RGS9: variants seen among roughly 807,000 people sequenced by gnomAD.
RGS9 encodes the protein regulator of G protein signaling 9.
RGS9 carries 78 observed loss-of-function variants against 102.0 expected under a neutral mutation model. The observed-to-expected ratio is 0.76, with a 90% CI of 0.64 to 0.92. The LOEUF is 0.92. RGS9 is among the 40% of genes least tolerant of loss of function. The probability of loss-of-function intolerance (pLI) is 0.00; values close to 1 mark genes in which losing one functional copy is unlikely to be tolerated. For synonymous variants in RGS9, 353 were observed against 318.6 expected (o/e 1.11, Z -1.15); for missense variants, 833 against 866.1 (o/e 0.96, Z 0.48).
chr17:65,161,245 C>T (rs1431766452), intron 6 of RGS9, among the ~76,000 whole-genome samples: 1 of 152,074 alleles, frequency 6.6e-6, no homozygotes, highest in African/African-American at 2.4e-5. Context: ...CAGATTTGAA[C>T]TTGAATTGTT....
At chr17:65,210,892 A>G (rs1453813428) in intron 17 of RGS9, among the ~76,000 whole-genome samples, 4 of 152,012 alleles carry the variant, frequency 2.6e-5, no homozygotes, top group Admixed American at 6.5e-5. Flanking sequence ...GGGAGAGGGG[A>G]TCACCTGACT....
At chr17:65,143,937 A>G (rs1308165520) in intron 1 of RGS9, among the ~76,000 whole-genome samples, 3 of 90,934 alleles carry the variant, frequency 3.3e-5, no homozygotes, top group Non-Finnish European at 4.7e-5. Context: ...CTCCAGCCTG[A>G]AAAAAAAAAA....
chr17:65,219,574 C>T (rs61708414), intron 17 of RGS9, among the ~76,000 whole-genome samples: 23,536 of 152,162 alleles, frequency 0.15, 2,733 homozygotes, highest in African/African-American at 0.33. Flanking sequence ...CCATGGGGTG[C>T]ATAGCTTGTG....
At chr17:65,168,170 T>C (rs1336927777) in intron 7 of RGS9, 30 bp from the exon 8 acceptor site, 47 of 1,518,760 alleles carry the variant, frequency 3.1e-5, no homozygotes, top group Non-Finnish European at 4.0e-5. Context: ...AAAGTCTTCC[T>C]GGCCTTACAC....
At chr17:65,217,281 A>G (rs748867370) in intron 17 of RGS9, among the ~76,000 whole-genome samples, 8 of 152,228 alleles carry the variant, frequency 5.3e-5, no homozygotes, top group Non-Finnish European at 8.8e-5. Context: ...CTCCACCTCC[A>G]TCTCATCCCC....
intron 13 of RGS9, among the ~76,000 whole-genome samples, chr17:65,200,860 G>T (rs79834668): frequency 3.9e-5 from 6 of 152,158 alleles, no homozygotes; most frequent in Non-Finnish European, 7.4e-5. Context: ...GTTATGAAAA[G>T]GTATCATGAA....
intron 9 of RGS9, among the ~76,000 whole-genome samples, chr17:65,188,297 A>G (rs983576382): frequency 6.6e-6 from 1 of 152,176 alleles, no homozygotes; most frequent in African/African-American, 2.4e-5. Flanking sequence ...CCTTAACTCA[A>G]AAAGTTGAGA....
chr17:65,153,575 G>T (rs1251410531), intron 2 of RGS9, 57 bp downstream of exon 2: 3 of 1,339,688 alleles, frequency 2.2e-6, no homozygotes, highest in Non-Finnish European at 3.2e-6. Context: ...GCCCAATACG[G>T]CCCACCTCCT....
rs577053621 is a variant in RGS9 at position 65,180,456 on chromosome 17, C to G, written c.654+2653C>G. On this transcript the variant is annotated intron_variant, in intron 9 of 18. Transcript: ENST00000262406. ...CTCCGCCTTCCGGGTTGAAGTAACT[C>G]CTTGCCTCAGCCTCCAGAGTAGCCG... Among the ~76,000 whole-genome samples the G allele has an allele frequency of 2.0e-5, 3 of 152,154 alleles. No individual in the cohort carries two copies. In the East Asian group the frequency reaches 5.8e-4, roughly 29 times the overall value.
intron 14 of RGS9, 151 bp from the exon 15 acceptor site, chr17:65,204,012 A>G (rs1388735651): frequency 3.7e-6 from 3 of 802,432 alleles, no homozygotes; most frequent in Non-Finnish European, 6.1e-6. Context: ...AACCTCTTCA[A>G]AAGTTCATGC....
At chr17:65,164,602 T>G (rs1262424244) in intron 7 of RGS9, among the ~76,000 whole-genome samples, 1 of 152,186 alleles carries the variant, frequency 6.6e-6, no homozygotes, top group African/African-American at 2.4e-5. Flanking sequence ...GGAGTAGTGA[T>G]GAACACTGTT....
chr17:65,201,463 A>G (rs892765746), intron 13 of RGS9, among the ~76,000 whole-genome samples: 8 of 152,190 alleles, frequency 5.3e-5, no homozygotes, highest in African/African-American at 1.9e-4. Flanking sequence ...ACAGCCAAAC[A>G]AAGGAGGAAG....
At chr17:65,179,893 G>A (rs1203866232) in intron 9 of RGS9, 2 of 152,206 alleles carry the variant, frequency 1.3e-5, no homozygotes, top group African/African-American at 4.8e-5. Context: ...TGGGCAGGCT[G>A]GGTGTACGAC....
rs1342163428 is a variant in RGS9, at chr17:65,173,863, G to A, written c.583-3869G>A. Among the ~76,000 whole-genome samples the A allele has an allele frequency of 6.6e-6, 1 of 150,752 alleles. No individual in the cohort carries two copies. The highest frequency in any genetic ancestry group is 1.5e-5 in the Non-Finnish European group (1 of 68,044). ...AAATGGATGAATGAAAGGAGCTTGGGAGTCTCTGAAACCAGCAGAGGCAGA... is the reference window on the plus strand; with the variant it reads ...AAATGGATGAATGAAAGGAGCTTGGAAGTCTCTGAAACCAGCAGAGGCAGA... On this transcript the variant is annotated intron_variant, in intron 8 of 18. Coordinates refer to ENST00000262406, the MANE Select transcript of RGS9 (RefSeq NM_003835.4). The surrounding 1 kb of genome is among the most constrained non-coding windows in gnomAD (Gnocchi z 4.8).
chr17:65,184,396 T>C (rs1260543213), intron 9 of RGS9, among the ~76,000 whole-genome samples: 1 of 152,248 alleles, frequency 6.6e-6, no homozygotes. Context: ...TTTTATCTGA[T>C]GAGGGCTTAA....
chr17:65,181,072 A>G (rs955884934), intron 9 of RGS9, among the ~76,000 whole-genome samples: 5 of 152,194 alleles, frequency 3.3e-5, no homozygotes, highest in African/African-American at 7.2e-5. Flanking sequence ...GGTTGATCCC[A>G]TGTCTTTGCT....
chr17:65,152,610 G>A (rs1598562563), intron 1 of RGS9, among the ~76,000 whole-genome samples: 3 of 152,254 alleles, frequency 2.0e-5, no homozygotes, highest in South Asian at 4.1e-4. Context: ...GCTCACTGTA[G>A]CCTGGAACTC....
Position 65,177,887 on chromosome 17 carries a change from T to G in RGS9, c.654+84T>G, listed in dbSNP as rs916760057. ...TGTCCACATGTCTATTCGTGTCTGT[T>G]AGGGCAACGATATCTCCTCTTTGAG... On this transcript the variant is annotated intron_variant, in intron 9 of 18. Coordinates refer to ENST00000262406, the MANE Select transcript of RGS9 (RefSeq NM_003835.4). The G allele has an allele frequency of 5.8e-6, 6 of 1,041,388 alleles. No individual in the cohort carries two copies. In the African/African-American group the frequency reaches 9.4e-5, roughly 16 times the overall value. 64.5% of individuals were successfully genotyped at this position (1,041,388 alleles called of 1,614,324 possible). A position where few individuals can be genotyped will look rare whatever the true frequency, so the allele number is the denominator to read the frequency against.
chr17:65,168,422 G>C (rs767569994), intron 8 of RGS9, 141 bp downstream of exon 8: 20 of 685,834 alleles, frequency 2.9e-5, no homozygotes, highest in Non-Finnish European at 5.1e-5. Context: ...TGTTGGGTTA[G>C]CATCCAAGTG....
Sources: gnomAD v4.1 joint callset for allele counts (sites outside exome capture counted in the v4.1 genomes callset) on GRCh38, gnomAD v4.1.1 for gene constraint, Gnocchi (gnomAD v3.1) non-coding constraint, MANE v1.5 for transcripts, NCBI Gene and HGNC (gene_info 2026-07-23, HGNC 2026-07-21) for gene names.